Variants in BCAS3 observed in about 807,000 individuals in gnomAD.
BCAS3 encodes BCAS4/BCAS3 fusion.
In BCAS3, 53 loss-of-function variants were observed where a neutral mutation model predicts 116.1. That is an observed-to-expected ratio of 0.46 (90% CI 0.37 to 0.57). The LOEUF (loss-of-function observed/expected upper bound fraction) is 0.57. Ranked by LOEUF, BCAS3 falls within the 20% of genes least tolerant of loss-of-function variation. BCAS3 has a pLI of 0.00. For synonymous variants in BCAS3, 391 were observed against 408.2 expected (o/e 0.96, Z 0.51); for missense variants, 917 against 1,165.4 (o/e 0.79, Z 3.10).
intron 7 of BCAS3, among the ~76,000 whole-genome samples, chr17:60,850,753 T>G (rs2053064247): frequency 6.6e-6 from 1 of 152,196 alleles, no homozygotes; most frequent in East Asian, 1.9e-4. Flanking sequence ...CATTTCTTTT[T>G]GTTGCTGAAT....
chr17:61,169,548 C>T (rs1171476723), intron 22 of BCAS3, among the ~76,000 whole-genome samples: 4 of 152,134 alleles, frequency 2.6e-5, no homozygotes, highest in African/African-American at 9.7e-5. Flanking sequence ...GCTAGGATTA[C>T]ATGTGTGAGC....
chr17:61,042,267 CT>C (rs770823270), intron 19 of BCAS3, among the ~76,000 whole-genome samples: 3 of 152,148 alleles, frequency 2.0e-5, no homozygotes, highest in Non-Finnish European at 4.4e-5. Flanking sequence ...ATAGTTGACT[CT>C]TTCAGAGTTA....
At chr17:61,386,617 C>G (rs763437849) in intron 23 of BCAS3, among the ~76,000 whole-genome samples, 4 of 152,172 alleles carry the variant, frequency 2.6e-5, no homozygotes, top group Non-Finnish European at 5.9e-5. Context: ...ACAAACAGAG[C>G]ACTGTCCTCC....
chr17:61,179,970 C>T (rs1241331389), intron 22 of BCAS3, among the ~76,000 whole-genome samples: 5 of 147,446 alleles, frequency 3.4e-5, no homozygotes, highest in Non-Finnish European at 4.4e-5. Context: ...GATATTCAGT[C>T]GTTTATAATG....
In BCAS3 at chr17:61,251,499, T is replaced by C. The variant is rs2048365143; in HGVS notation, c.2426-116828T>C. ...GCAGGAGAATCACTTGAACGCGGGATGCAGAGGTTGCAGTGAGCCGAGATT... is the reference window on the plus strand; with the variant it reads ...GCAGGAGAATCACTTGAACGCGGGACGCAGAGGTTGCAGTGAGCCGAGATT... On this transcript the variant is annotated intron_variant, in intron 22 of 23. Transcript: ENST00000407086. The surrounding 1 kb of genome is among the most constrained non-coding windows in gnomAD (Gnocchi z 4.7). 6.6e-6 allele frequency among the ~76,000 whole-genome samples: 1 copy of C among 151,108 alleles called. No homozygotes were observed. Among genetic ancestry groups the C allele is most frequent in the East Asian group, 1.9e-4 (1 of 5,142 alleles).
At chr17:61,264,431 G>A (rs1317868644) in intron 22 of BCAS3, among the ~76,000 whole-genome samples, 1 of 147,496 alleles carries the variant, frequency 6.8e-6, no homozygotes, top group East Asian at 2.0e-4. Context: ...TTTTTAGAGA[G>A]AGAGTCTCAC....
rs371250683 is a variant in BCAS3 at position 60,926,616 on chromosome 17, T to C, written c.1087+2116T>C. On this transcript the variant is annotated intron_variant, in intron 13 of 23. Coordinates refer to ENST00000407086, the MANE Select transcript of BCAS3 (RefSeq NM_017679.5). ...TTAAGTTAAATGTGAAAAAACAGCC[T>C]GGAAGTTATGTCACTTGTAGCACTC... 3.9e-5 allele frequency among the ~76,000 whole-genome samples: 6 copies of C among 152,276 alleles called. No homozygotes were observed. In the East Asian group the frequency reaches 9.6e-4, roughly 24 times the overall value.
intron 14 of BCAS3, among the ~76,000 whole-genome samples, chr17:60,974,050 C>A (rs558667174): frequency 2.9e-3 from 436 of 152,230 alleles, no homozygotes; most frequent in Non-Finnish European, 5.2e-3. Context: ...CCCCTCCTAC[C>A]CAAATAACTG....
At chr17:61,049,242 A>T (rs2068619475) in intron 19 of BCAS3, among the ~76,000 whole-genome samples, 1 of 151,950 alleles carries the variant, frequency 6.6e-6, no homozygotes, top group South Asian at 2.1e-4. Flanking sequence ...TCAAGGCTGC[A>T]GTGAACCATG....
In BCAS3 at chr17:61,134,710, C is replaced by G. The variant is rs139322176; in HGVS notation, c.2425+50146C>G. Among the ~76,000 whole-genome samples the G allele has an allele frequency of 6.6e-6, 1 of 152,220 alleles. No individual in the cohort carries two copies. The highest frequency in any genetic ancestry group is 1.5e-5 in the Non-Finnish European group (1 of 68,018). Reference sequence around the variant, plus strand: ...AATTATGTAATTATATTTACAAACACCTCATTTAACCTTCAAAACAATCCT... The same window carrying G: ...AATTATGTAATTATATTTACAAACAGCTCATTTAACCTTCAAAACAATCCT... On this transcript the variant is annotated intron_variant, in intron 22 of 23. Transcript: ENST00000407086. The surrounding 1 kb of genome is among the most constrained non-coding windows in gnomAD (Gnocchi z 4.6).
intron 22 of BCAS3, among the ~76,000 whole-genome samples, chr17:61,194,034 T>C (rs2080322398): frequency 6.6e-6 from 1 of 151,746 alleles, no homozygotes. Context: ...GGAGAGTCAC[T>C]TGAACCCAGG....
At chr17:60,720,777 A>G (rs2039150583) in intron 5 of BCAS3, among the ~76,000 whole-genome samples, 1 of 152,214 alleles carries the variant, frequency 6.6e-6, no homozygotes, top group Non-Finnish European at 1.5e-5. Context: ...ATACCATGCC[A>G]TTTTATAAAA....
At chr17:61,371,323 G>A (rs943626562) in intron 23 of BCAS3, among the ~76,000 whole-genome samples, 2 of 146,590 alleles carry the variant, frequency 1.4e-5, no homozygotes, top group Admixed American at 6.7e-5. Context: ...TTCTGGAGAT[G>A]TAACAGTCTG....
intron 22 of BCAS3, among the ~76,000 whole-genome samples, chr17:61,231,869 C>A (rs372142054): frequency 7.3e-3 from 732 of 100,206 alleles, no homozygotes; most frequent in Middle Eastern, 0.017. Context: ...GACCCTGTCT[C>A]AAAAAAAAAA....
chr17:60,689,578 G>A, intron 3 of BCAS3, 108 bp from the exon 4 acceptor site: 1 of 631,336 alleles, frequency 1.6e-6, no homozygotes. Context: ...ATGTAGGGTT[G>A]GTGAAGTTGG....
chr17:61,371,311 G>C lies in BCAS3; in HGVS notation c.2593+2817G>C, dbSNP rs186395303. On this transcript the variant is annotated intron_variant, in intron 23 of 23. Coordinates refer to ENST00000407086, the MANE Select transcript of BCAS3 (RefSeq NM_017679.5). Reference sequence around the variant, plus strand: ...CACACAGTGTCAGCTAGCTAACAGAGGTTCTGGAGATGTAACAGTCTGTGC... The same window carrying C: ...CACACAGTGTCAGCTAGCTAACAGACGTTCTGGAGATGTAACAGTCTGTGC... Among the ~76,000 whole-genome samples, 23 of 151,990 alleles carry C rather than the reference G, an allele frequency of 1.5e-4. No homozygotes were observed. In the East Asian group the frequency reaches 4.2e-3, roughly 28 times the overall value.
intron 14 of BCAS3, among the ~76,000 whole-genome samples, chr17:60,980,976 G>A (rs950074357): frequency 1.3e-5 from 2 of 152,020 alleles, no homozygotes; most frequent in African/African-American, 4.8e-5. Context: ...TGGAACTACA[G>A]GCATGTGCCA....
At chr17:60,738,583 G>C (rs1251718671) in intron 5 of BCAS3, among the ~76,000 whole-genome samples, 1 of 151,964 alleles carries the variant, frequency 6.6e-6, no homozygotes, top group African/African-American at 2.4e-5. Flanking sequence ...TTTAATCCCT[G>C]TCTTTATATT....
At chr17:60,947,465 C>T (rs1227732985) in intron 14 of BCAS3, 113 bp downstream of exon 14, 11 of 1,213,242 alleles carry the variant, frequency 9.1e-6, no homozygotes, top group Admixed American at 6.7e-5. Flanking sequence ...GAAAATATTG[C>T]TGTCTGTGAT....
Sources: gnomAD v4.1 joint callset for allele counts (sites outside exome capture counted in the v4.1 genomes callset) on GRCh38, gnomAD v4.1.1 for gene constraint, Gnocchi (gnomAD v3.1) non-coding constraint, MANE v1.5 for transcripts, NCBI Gene and HGNC (gene_info 2026-07-23, HGNC 2026-07-21) for gene names.